TAF15: variants seen among roughly 807,000 people sequenced by gnomAD.
TAF15 encodes the protein TATA-box binding protein associated factor 15, also known as TATA-binding protein-associated factor 2N.
TAF15 carries 37 observed loss-of-function variants against 102.5 expected under a neutral mutation model. That is an observed-to-expected ratio of 0.36 (90% CI 0.28 to 0.47). The LOEUF is 0.47. TAF15 is among the 20% of genes least tolerant of loss of function. The pLI is 0.99. For missense variants in TAF15, 652 were observed against 760.7 expected (o/e 0.86, Z 1.68); for synonymous variants, 273 against 259.2 (o/e 1.05, Z -0.51).
At chr17:35,846,832 C>T (rs375334119) in intron 15 of TAF15, 74 bp from the exon 16 acceptor site, 132 of 1,511,936 alleles carry the variant, frequency 8.7e-5, no homozygotes, top group Non-Finnish European at 1.2e-4. Context: ...TCACTAGTAC[C>T]CTGAAGAAGT....
chr17:35,826,348 A>G (rs1020332757), intron 7 of TAF15, among the ~76,000 whole-genome samples: 13 of 152,088 alleles, frequency 8.5e-5, no homozygotes, highest in African/African-American at 2.9e-4. Flanking sequence ...ATCCGTATGG[A>G]TGCCGATTAC....
intron 1 of TAF15, among the ~76,000 whole-genome samples, chr17:35,816,408 G>C (rs2087195394): frequency 2.0e-5 from 3 of 152,226 alleles, no homozygotes; most frequent in Admixed American, 2.0e-4. Context: ...GCTGAGGCAG[G>C]AGAATGACTC....
intron 7 of TAF15, among the ~76,000 whole-genome samples, chr17:35,827,704 G>A (rs1490317650): frequency 8.8e-5 from 13 of 147,684 alleles, no homozygotes; most frequent in Admixed American, 2.7e-4. Context: ...AAACTCCATC[G>A]CAAAAAAAAA....
At chr17:35,823,998 C>CT (rs567205601) in intron 6 of TAF15, 80 bp from the exon 7 acceptor site, 146 of 1,585,362 alleles carry the variant, frequency 9.2e-5, no homozygotes, top group Admixed American at 1.3e-4. Flanking sequence ...TATGTGTGGC[C>CT]TAAAGAGCCA....
Position 35,844,883 on chromosome 17 carries a change from G to A in TAF15, c.1584G>A (p.Arg528=), listed in dbSNP as rs1472249189. The A allele has an allele frequency of 1.9e-6, 3 of 1,612,306 alleles. No individual in the cohort carries two copies. Among genetic ancestry groups the A allele is most frequent in the Admixed American group, 3.3e-5 (2 of 59,834 alleles). The change falls in exon 15 of 16, where the codon CGG becomes CGA. Residue 528 remains arginine, a synonymous_variant. Transcript: ENST00000605844. The stretch of plus-strand genomic sequence containing the variant: ...GAGGCTATGGAGGAGACAGAAGCCG[G>A]GGGGGCTATGGAGGAGACCGTGGTG... The part of the protein sequence containing the change: ...DRGGYGGDRS[R]GGYGGDRGGG...
At chr17:35,836,931 G>A (rs1193988657) in intron 10 of TAF15, among the ~76,000 whole-genome samples, 5 of 151,526 alleles carry the variant, frequency 3.3e-5, no homozygotes, top group African/African-American at 4.9e-5. Flanking sequence ...GCGCTACCAC[G>A]CCCAGCTAAT....
Position 35,822,774 on chromosome 17 carries a change from A to G in TAF15, c.425A>G (p.Tyr142Cys), listed in dbSNP as rs752796451. 8 of 1,614,084 alleles carry G rather than the reference A, an allele frequency of 5.0e-6. No homozygotes were observed. The highest frequency in any genetic ancestry group is 2.7e-5 in the African/African-American group (2 of 74,942). The part of the protein sequence containing the change: ...QSNYDQQHDS[Y>C]SQNQQSYHSQ... ...AATTATGATCAGCAGCATGATTCCT[A>G]TAGTCAAAACCAGCAGTCCTATCAT... Residue 142 changes from tyrosine to cysteine, a missense_variant, in exon 6 of 16, where the codon TAT becomes TGT. Transcript: ENST00000605844.
intron 11 of TAF15, among the ~76,000 whole-genome samples, chr17:35,839,510 T>C (rs1306422786): frequency 1.3e-5 from 2 of 149,950 alleles, no homozygotes; most frequent in East Asian, 4.0e-4. Flanking sequence ...GCCTCCCCAG[T>C]AGCTGGGACT....
chr17:35,817,318 G>C (rs2143749983), intron 1 of TAF15: 1 of 211,826 alleles, frequency 4.7e-6, no homozygotes, highest in Non-Finnish European at 9.5e-6. Flanking sequence ...TCTTGGGGTG[G>C]TAAGGATGTT....
At chr17:35,825,830 C>T (rs967376674) in intron 7 of TAF15, among the ~76,000 whole-genome samples, 2 of 152,098 alleles carry the variant, frequency 1.3e-5, no homozygotes, top group East Asian at 1.9e-4. Flanking sequence ...CGCCTGTAGT[C>T]GTAGTCCGAA....
intron 10 of TAF15, among the ~76,000 whole-genome samples, 166 bp downstream of exon 10, chr17:35,836,407 G>A (rs1422082850): frequency 6.6e-6 from 1 of 152,156 alleles, no homozygotes; most frequent in African/African-American, 2.4e-5. Context: ...TTGAATATAT[G>A]AAGATTTTAT....
intron 8 of TAF15, 82 bp from the exon 9 acceptor site, chr17:35,834,484 C>T: frequency 7.4e-7 from 1 of 1,343,036 alleles, no homozygotes. Context: ...ACTTTTCATG[C>T]CTTGGTTTAT....
In TAF15 at chr17:35,824,207, GTAGA is replaced by G; in HGVS notation, c.605+12_605+15del. The G allele has an allele frequency of 6.2e-7, 1 of 1,612,842 alleles. No individual in the cohort carries two copies. The highest frequency in any genetic ancestry group is 8.5e-7 in the Non-Finnish European group (1 of 1,179,584). On this transcript the variant is annotated intron_variant, in intron 7 of 15. Coordinates refer to ENST00000605844, the MANE Select transcript of TAF15 (RefSeq NM_139215.3). Reference sequence around the variant, plus strand: ...CCTATGACAGGATCAAGGTAAGTATGTAGATAAAGATGCGTACATTTCTTCTTCT... The same window carrying G: ...CCTATGACAGGATCAAGGTAAGTATGTAAAGATGCGTACATTTCTTCTTCT...
chr17:35,833,464 C>G (rs182056645), intron 7 of TAF15: 4 of 158,506 alleles, frequency 2.5e-5, no homozygotes. Flanking sequence ...GATCCTAATA[C>G]TCAAGTTTTT....
At chr17:35,834,887 A>G (rs1290854766) in intron 9 of TAF15, among the ~76,000 whole-genome samples, 1 of 151,856 alleles carries the variant, frequency 6.6e-6, no homozygotes, top group Non-Finnish European at 1.5e-5. Context: ...GTGGGACTAC[A>G]GGTGCGCGCC....
At chr17:35,831,068 A>T (rs1347993310) in intron 7 of TAF15, among the ~76,000 whole-genome samples, 1 of 152,170 alleles carries the variant, frequency 6.6e-6, no homozygotes, top group Non-Finnish European at 1.5e-5. Flanking sequence ...CATGTGTTGA[A>T]ATCTTCAGCT....
At chr17:35,815,030 C>A (rs570808166) in intron 1 of TAF15, among the ~76,000 whole-genome samples, 1 of 152,128 alleles carries the variant, frequency 6.6e-6, no homozygotes, top group Admixed American at 6.5e-5. Context: ...ATGAGTGATA[C>A]AACTAATGAG....
chr17:35,816,546 G>C (rs1327147732), intron 1 of TAF15, among the ~76,000 whole-genome samples: 2 of 152,218 alleles, frequency 1.3e-5, no homozygotes, highest in African/African-American at 4.8e-5. Flanking sequence ...TTTGACAACA[G>C]TGATTTTTGT....
Position 35,834,855 on chromosome 17 carries a change from C to A in TAF15, c.673+257C>A, listed in dbSNP as rs141462616. On this transcript the variant is annotated intron_variant, in intron 9 of 15. Coordinates refer to ENST00000605844, the MANE Select transcript of TAF15 (RefSeq NM_139215.3). ...CCACCTGCCGGGTTCAAGCAGTTCT[C>A]CTGCGTCTGCCTCCCAAGTAGGTGG... Among the ~76,000 whole-genome samples the A allele has an allele frequency of 9.6e-3, 1,445 of 150,228 alleles. 12 individuals carry two copies. The highest frequency in any genetic ancestry group is 0.024 in the Middle Eastern group (7 of 286).
Sources: gnomAD v4.1 joint callset for allele counts (sites outside exome capture counted in the v4.1 genomes callset) on GRCh38, gnomAD v4.1.1 for gene constraint, MANE v1.5 for transcripts, NCBI Gene and HGNC (gene_info 2026-07-23, HGNC 2026-07-21) for gene names.